The following NCOA3 variants were observed in gnomAD, a reference collection of about 807,000 sequenced individuals.
The protein encoded by NCOA3 is nuclear receptor coactivator 3, also known as CBP-interacting protein.
Under a neutral mutation model 158.8 loss-of-function variants are expected in NCOA3, and 51 were observed. That is an observed-to-expected ratio of 0.32 (90% CI 0.26 to 0.41). The LOEUF (loss-of-function observed/expected upper bound fraction) is 0.41. NCOA3 is among the 10% of genes least tolerant of loss of function. The probability of loss-of-function intolerance (pLI) is 1.00; values close to 1 mark genes in which losing one functional copy is unlikely to be tolerated. For missense variants in NCOA3, 1,510 were observed against 1,746.6 expected (o/e 0.86, Z 2.41); for synonymous variants, 537 against 592.4 (o/e 0.91, Z 1.36).
chr20:47,525,716 AC>A (rs3092534), intron 1 of NCOA3, among the ~76,000 whole-genome samples: 1,118 of 67,626 alleles, frequency 0.017, 73 homozygotes, highest in African/African-American at 0.083. Context: ...CGGGGGGCTG[AC>A]CCCCCCACCT....
rs556850248 is a variant in NCOA3, at chr20:47,642,673, G to A, written c.3252+289G>A. 2.2e-4 allele frequency among the ~76,000 whole-genome samples: 34 copies of A among 152,268 alleles called. 1 individual carries two copies. Among genetic ancestry groups the A allele is most frequent in the Admixed American group, 7.2e-4 (11 of 15,306 alleles). On this transcript the variant is annotated intron_variant, in intron 17 of 22. Coordinates refer to ENST00000371998, the MANE Select transcript of NCOA3 (RefSeq NM_181659.3). ...AAGCTACTGTACTGTTCTTAAAAAT[G>A]TGACCTTTTATTCATGTTAACAGTT...
In NCOA3 at chr20:47,649,104, T is replaced by A; in HGVS notation, c.3646T>A (p.Ser1216Thr). 1 of 1,611,250 alleles carries A rather than the reference T, an allele frequency of 6.2e-7. No individual in the cohort carries two copies. Among genetic ancestry groups the A allele is most frequent in the Non-Finnish European group, 8.5e-7 (1 of 1,177,964 alleles). Residue 1216 changes from serine to threonine, a missense_variant, in exon 19 of 23, where the codon TCC (serine) becomes ACC (threonine). Coordinates refer to ENST00000371998, the MANE Select transcript of NCOA3 (RefSeq NM_181659.3). ...MRPMMQPQVS[S>T]QQGFLNAQMV... Reference sequence around the variant, plus strand: ...GCCTATGATGCAGCCCCAGGTGAGCTCCCAGGTGAGGATGATAAGCCTCTC... The same window carrying A: ...GCCTATGATGCAGCCCCAGGTGAGCACCCAGGTGAGGATGATAAGCCTCTC...
intron 2 of NCOA3, among the ~76,000 whole-genome samples, chr20:47,600,814 C>CAAAA (rs376125255): frequency 1.4e-5 from 1 of 73,048 alleles, no homozygotes. Context: ...CTGTCCCTGG[C>CAAAA]AAAAAAAAAA....
At chr20:47,515,777 G>A (rs1481269730) in intron 1 of NCOA3, among the ~76,000 whole-genome samples, 1 of 152,074 alleles carries the variant, frequency 6.6e-6, no homozygotes, top group Admixed American at 6.6e-5. Flanking sequence ...ACTGCCCTCA[G>A]CCTTAATACC....
chr20:47,558,872 A>G (rs1381441741), intron 1 of NCOA3, among the ~76,000 whole-genome samples: 1 of 118,566 alleles, frequency 8.4e-6, no homozygotes, highest in African/African-American at 3.2e-5. Flanking sequence ...GATTTCCTTG[A>G]TAGGCTCTGT....
chr20:47,622,095 A>G (rs1012920821), intron 2 of NCOA3, 134 bp from the exon 3 acceptor site: 2 of 543,206 alleles, frequency 3.7e-6, no homozygotes, highest in Non-Finnish European at 6.5e-6. Context: ...TTTATGAAAA[A>G]GAATATTGAG....
chr20:47,518,683 C>A (rs1281242782), intron 1 of NCOA3, among the ~76,000 whole-genome samples: 7 of 151,764 alleles, frequency 4.6e-5, no homozygotes, highest in Non-Finnish European at 7.4e-5. Context: ...CCTCGGCCTC[C>A]CAAAATGCTG....
In NCOA3 at chr20:47,525,087, G is replaced by A. The variant is rs1343169779; in HGVS notation, c.-99+23068G>A. On this transcript the variant is annotated intron_variant, in intron 1 of 22. Transcript: ENST00000371998. ...TAGGCAGAGGACCCTGCGGCCTTCC[G>A]CAGTGTTTGTGTCCCTGGGTACTTG... Among the ~76,000 whole-genome samples, 34 of 145,736 alleles carry A rather than the reference G, an allele frequency of 2.3e-4. No homozygotes were observed. In the South Asian group the frequency reaches 3.8e-3, roughly 16 times the overall value.
At chr20:47,526,352 A>ACGG (rs2084448802) in intron 1 of NCOA3, among the ~76,000 whole-genome samples, 1 of 151,882 alleles carries the variant, frequency 6.6e-6, no homozygotes, top group African/African-American at 2.4e-5. Flanking sequence ...CACTTCCCAG[A>ACGG]CGGGGTGGCG....
chr20:47,528,598 G>C (rs1025574678), intron 1 of NCOA3, among the ~76,000 whole-genome samples: 2 of 151,752 alleles, frequency 1.3e-5, no homozygotes, highest in Non-Finnish European at 2.9e-5. Context: ...ATACTGTCTT[G>C]TCTTTTTGTT....
intron 16 of NCOA3, 60 bp from the exon 17 acceptor site, chr20:47,642,153 A>G: frequency 5.7e-6 from 7 of 1,220,666 alleles, no homozygotes; most frequent in Non-Finnish European, 7.9e-6. Context: ...GGTTGCTGTG[A>G]TCTATTACTC....
intron 2 of NCOA3, among the ~76,000 whole-genome samples, chr20:47,588,214 A>C (rs955981016): frequency 7.4e-6 from 1 of 135,756 alleles, no homozygotes; most frequent in African/African-American, 2.8e-5. Flanking sequence ...GGCTCACTGC[A>C]ACCTCTGCCT....
intron 1 of NCOA3, among the ~76,000 whole-genome samples, chr20:47,536,805 C>CTTTTTTTTTTTTTTTTTTTTTTTTTT (rs1227796813): frequency 7.7e-6 from 1 of 129,730 alleles, no homozygotes; most frequent in Non-Finnish European, 1.7e-5. Flanking sequence ...CTGTTTTTTT[C>CTTTTTTTTTTTTTTTTTTTTTTTTTT]TTTTTTTTTT....
chr20:47,524,706 A>G (rs1017646878), intron 1 of NCOA3, among the ~76,000 whole-genome samples: 2 of 152,206 alleles, frequency 1.3e-5, no homozygotes, highest in Non-Finnish European at 2.9e-5. Context: ...CAGTATACAG[A>G]TCTTATAAAG....
rs1343243252 is a variant in NCOA3 at position 47,547,401 on chromosome 20, TTTA to T, written c.-98-35780_-98-35778del. Reference sequence around the variant, plus strand: ...TAGTTTTTGTTGATTTTATTTTATTTTTATATTATTATTATTATTATTATTATT... The same window carrying T: ...TAGTTTTTGTTGATTTTATTTTATTTTATTATTATTATTATTATTATTATT... On this transcript the variant is annotated intron_variant, in intron 1 of 22. Transcript: ENST00000371998. Among the ~76,000 whole-genome samples, 5 of 148,470 alleles carry T rather than the reference TTTA, an allele frequency of 3.4e-5. No individual in the cohort carries two copies. The East Asian group carries it at 9.7e-4, about 29-fold the overall frequency.
intron 2 of NCOA3, among the ~76,000 whole-genome samples, chr20:47,593,287 T>C (rs2085680524): frequency 6.6e-6 from 1 of 151,224 alleles, no homozygotes; most frequent in South Asian, 2.1e-4. Context: ...GTATCATTCA[T>C]TGTCTCGGAA....
Position 47,563,497 on chromosome 20 carries a change from G to A in NCOA3, c.-98-19686G>A, listed in dbSNP as rs149371414. Among the ~76,000 whole-genome samples, 302 of 152,250 alleles carry A rather than the reference G, an allele frequency of 2.0e-3. 2 individuals are homozygous for A. The highest frequency in any genetic ancestry group is 2.9e-3 in the Non-Finnish European group (196 of 68,014). ...AAGAAATCAAAAAGGGAAAAAAATGGTACAGTAATTAAACCATGCCCTCAA... is the reference window on the plus strand; with the variant it reads ...AAGAAATCAAAAAGGGAAAAAAATGATACAGTAATTAAACCATGCCCTCAA... On this transcript the variant is annotated intron_variant, in intron 1 of 22. Coordinates refer to ENST00000371998, the MANE Select transcript of NCOA3 (RefSeq NM_181659.3).
At chr20:47,528,407 A>G (rs1403198519) in intron 1 of NCOA3, among the ~76,000 whole-genome samples, 1 of 152,210 alleles carries the variant, frequency 6.6e-6, no homozygotes, top group African/African-American at 2.4e-5. Flanking sequence ...ACTAAAATGA[A>G]AAACTATGAA....
intron 2 of NCOA3, among the ~76,000 whole-genome samples, chr20:47,594,787 G>C (rs2085722372): frequency 8.0e-6 from 1 of 124,892 alleles, no homozygotes; most frequent in African/African-American, 3.2e-5. Context: ...CAGAATACCT[G>C]ATTTTTTTTT....
Sources: allele counts gnomAD v4.1 joint callset (sites outside exome capture counted in the v4.1 genomes callset), GRCh38; gene constraint gnomAD v4.1.1; transcripts MANE v1.5; gene names NCBI Gene and HGNC (gene_info 2026-07-23, HGNC 2026-07-21).